EYS: variants seen among roughly 807,000 people sequenced by gnomAD.
EYS encodes the protein EGF-like photoreceptor maintenance factor.
A neutral mutation model predicts 282.1 loss-of-function variants in EYS; 250 were observed. That is an observed-to-expected ratio of 0.89 (90% CI 0.80 to 0.98). The LOEUF (loss-of-function observed/expected upper bound fraction) is 0.98. Ranked by LOEUF, EYS falls within the 50% of genes least tolerant of loss-of-function variation. The pLI is 0.00. For synonymous variants in EYS, 1,355 were observed against 1,282.9 expected, an observed-to-expected ratio of 1.06 and a Z score of -1.20; for missense variants, 4,016 against 3,709.0, an observed-to-expected ratio of 1.08 and a Z score of -2.15.
intron 11 of EYS, among the ~76,000 whole-genome samples, chr6:65,316,802 C>T (rs187422440): frequency 1.4e-4 from 22 of 152,292 alleles, no homozygotes; most frequent in Non-Finnish European, 2.9e-4. Context: ...CTGCAAAGGA[C>T]ACGAACTCAT....
At chr6:63,888,673 A>C (rs1201606247) in intron 35 of EYS, among the ~76,000 whole-genome samples, 2 of 152,224 alleles carry the variant, frequency 1.3e-5, no homozygotes, top group Non-Finnish European at 2.9e-5. Context: ...TAAATCCATG[A>C]AGATGTGGTA....
At chr6:65,670,043 C>T (rs1055512723) in intron 1 of EYS, among the ~76,000 whole-genome samples, 11 of 151,984 alleles carry the variant, frequency 7.2e-5, no homozygotes, top group African/African-American at 2.7e-4. Flanking sequence ...AACCCATATG[C>T]TACTCTTTCA....
intron 29 of EYS, among the ~76,000 whole-genome samples, chr6:64,322,199 CA>C (rs1770240775): frequency 2.0e-5 from 3 of 151,948 alleles, no homozygotes; most frequent in African/African-American, 7.2e-5. Flanking sequence ...AATTAATCGA[CA>C]TTTTTTCCCC....
At chr6:64,853,932 G>A (rs996443602) in intron 19 of EYS, among the ~76,000 whole-genome samples, 2 of 151,926 alleles carry the variant, frequency 1.3e-5, no homozygotes, top group South Asian at 2.1e-4. Context: ...ATCAAAAAGT[G>A]GGTGAAGGAT....
At chr6:64,568,766 A>G (rs1345133388) in intron 26 of EYS, among the ~76,000 whole-genome samples, 2 of 152,074 alleles carry the variant, frequency 1.3e-5, no homozygotes, top group Non-Finnish European at 2.9e-5. Context: ...TCTTTAGACG[A>G]AGCTTCCAGA....
chr6:65,282,838 A>G (rs989601632), intron 12 of EYS, among the ~76,000 whole-genome samples: 19 of 152,064 alleles, frequency 1.2e-4, no homozygotes, highest in African/African-American at 4.6e-4. Context: ...TAGCATTTGT[A>G]TACTGTTGAT....
chr6:63,724,051 C>T (rs1299185668), intron 42 of EYS, among the ~76,000 whole-genome samples: 1 of 152,074 alleles, frequency 6.6e-6, no homozygotes, highest in Non-Finnish European at 1.5e-5. Flanking sequence ...AGGTGATCCG[C>T]CCACCTCGGC....
chr6:65,137,370 G>C (rs142306573), intron 12 of EYS, among the ~76,000 whole-genome samples: 245 of 152,192 alleles, frequency 1.6e-3, no homozygotes, highest in African/African-American at 5.7e-3. Context: ...GTTTGGCATC[G>C]TGAAGAAATG....
rs139406972 is a variant in EYS, at chr6:64,876,655, G to T, written c.2992+10042C>A. Among the ~76,000 whole-genome samples the T allele has an allele frequency of 1.7e-3, 261 of 152,202 alleles. 1 individual carries two copies. Among genetic ancestry groups the T allele is most frequent in the African/African-American group, 6.0e-3 (250 of 41,548 alleles). On this transcript the variant is annotated intron_variant, in intron 19 of 42. Transcript: ENST00000503581. ...CTAATTGCTAGGAAGGGAATAAAAG[G>T]TAATTGAATAGAGTGACATAGTGTT...
intron 36 of EYS, among the ~76,000 whole-genome samples, chr6:63,845,426 G>C (rs1772073293): frequency 6.7e-6 from 1 of 148,598 alleles, no homozygotes; most frequent in Admixed American, 6.7e-5. Context: ...GTATCTGTTT[G>C]AGTTTGTTTA....
At chr6:64,259,877 T>G (rs1767530126) in intron 30 of EYS, among the ~76,000 whole-genome samples, 1 of 152,098 alleles carries the variant, frequency 6.6e-6, no homozygotes, top group African/African-American at 2.4e-5. Context: ...GCCTTATGTA[T>G]TCCATAATTA....
At position 65,452,806 on chromosome 6, in the gene EYS, C is replaced by T. The variant is rs79870085; in HGVS notation, c.862+37788G>A. Among the ~76,000 whole-genome samples the T allele has an allele frequency of 3.5e-3, 526 of 151,976 alleles. 3 individuals carry two copies. The highest frequency in any genetic ancestry group is 0.012 in the African/African-American group (486 of 41,486). The stretch of plus-strand genomic sequence containing the variant: ...TCACTGTACTTGCATATGTCATGTA[C>T]GTGGCCCATATCAACAATCAGAGAA... On this transcript the variant is annotated intron_variant, in intron 5 of 42. Coordinates refer to ENST00000503581, the MANE Select transcript of EYS (RefSeq NM_001142800.2).
chr6:64,112,007 GCT>G (rs1251047773), intron 31 of EYS, among the ~76,000 whole-genome samples: 10 of 151,994 alleles, frequency 6.6e-5, no homozygotes, highest in Middle Eastern at 3.4e-3. Flanking sequence ...TAATTGAGTT[GCT>G]CTGTTATTCC....
intron 29 of EYS, among the ~76,000 whole-genome samples, chr6:64,308,322 T>G (rs1462803235): frequency 1.3e-5 from 2 of 152,198 alleles, no homozygotes; most frequent in Admixed American, 6.5e-5. Flanking sequence ...AACATTCAAT[T>G]TGGTGAACAA....
intron 11 of EYS, chr6:65,329,569 T>C: frequency 1.0e-6 from 1 of 983,102 alleles, no homozygotes; most frequent in African/African-American, 1.7e-5. Flanking sequence ...CAGTTCGATA[T>C]CTTTTTTGCT....
At chr6:65,003,766 T>A (rs1369344420) in intron 13 of EYS, among the ~76,000 whole-genome samples, 2 of 147,546 alleles carry the variant, frequency 1.4e-5, no homozygotes, top group African/African-American at 4.9e-5. Context: ...GCAGGTTACC[T>A]GATACTGAGG....
intron 22 of EYS, among the ~76,000 whole-genome samples, chr6:64,634,716 AC>A (rs542704380): frequency 1.4e-3 from 212 of 152,316 alleles, no homozygotes; most frequent in African/African-American, 4.7e-3. Flanking sequence ...ATGTCAAAAA[AC>A]ATCTAAGAAA....
At chr6:64,003,506 T>C (rs182152526) in intron 33 of EYS, among the ~76,000 whole-genome samples, 25 of 152,330 alleles carry the variant, frequency 1.6e-4, no homozygotes, top group Admixed American at 1.6e-3. Flanking sequence ...CCATTTAAAC[T>C]GATGTGATTT....
At chr6:65,412,242 C>T (rs1165204218) in intron 5 of EYS, among the ~76,000 whole-genome samples, 1 of 152,014 alleles carries the variant, frequency 6.6e-6, no homozygotes, top group Non-Finnish European at 1.5e-5. Context: ...AATGTTTAAG[C>T]CACTTAATCT....
Sources: gnomAD v4.1 joint callset for allele counts (sites outside exome capture counted in the v4.1 genomes callset) on GRCh38, gnomAD v4.1.1 for gene constraint, MANE v1.5 for transcripts, NCBI Gene and HGNC (gene_info 2026-07-23, HGNC 2026-07-21) for gene names.